The following FAF1 variants were observed in gnomAD, a reference collection of about 807,000 sequenced individuals.
FAF1 encodes the protein Fas associated factor 1, also known as FAS-associated factor 1.
A neutral mutation model predicts 92.5 loss-of-function variants in FAF1; 25 were observed. The observed-to-expected ratio is 0.27, with a 90% CI of 0.20 to 0.38. FAF1 has a LOEUF of 0.38. FAF1 is among the 10% of genes least tolerant of loss of function. The pLI, the probability that FAF1 is intolerant of heterozygous loss-of-function variation, is 1.00. For missense variants in FAF1, 636 were observed against 793.3 expected (o/e 0.80, Z 2.38); for synonymous variants, 234 against 273.2 (o/e 0.86, Z 1.42).
chr1:50,681,810 T>C (rs1282817943), intron 7 of FAF1, among the ~76,000 whole-genome samples: 1 of 151,010 alleles, frequency 6.6e-6, no homozygotes, highest in South Asian at 2.1e-4. Context: ...TGAGCCACTG[T>C]TCCCGGCCTC....
intron 7 of FAF1, among the ~76,000 whole-genome samples, chr1:50,701,905 T>C (rs1657489511): frequency 6.6e-6 from 1 of 152,126 alleles, no homozygotes; most frequent in African/African-American, 2.4e-5. Context: ...GTGAGATTTC[T>C]GAGGTAAAGT....
At chr1:50,520,782 C>A (rs1647459474) in intron 15 of FAF1, among the ~76,000 whole-genome samples, 1 of 152,140 alleles carries the variant, frequency 6.6e-6, no homozygotes, top group Non-Finnish European at 1.5e-5. Context: ...GAGGTCGAGG[C>A]TGCAGTGAGC....
intron 1 of FAF1, among the ~76,000 whole-genome samples, chr1:50,860,677 T>G (rs983510734): frequency 6.6e-6 from 1 of 151,950 alleles, no homozygotes; most frequent in East Asian, 1.9e-4. Context: ...GTTCAGCTAC[T>G]ACAAAAGCAG....
chr1:50,626,268 A>T lies in FAF1; in HGVS notation c.744+29174T>A, dbSNP rs549342711. ...AGGTTTATTCATTCAAACAATCTTT[A>T]TTGAGCACCTACTATCCAAAGGGAT... is the stretch of plus-strand genomic sequence containing the variant. On this transcript the variant is annotated intron_variant, in intron 8 of 18. Transcript: ENST00000396153. Among the ~76,000 whole-genome samples the T allele has an allele frequency of 5.3e-5, 8 of 152,330 alleles. No homozygotes were observed. In the South Asian group the frequency reaches 1.7e-3, roughly 32 times the overall value.
At chr1:50,865,244 T>C (rs1247829717) in intron 1 of FAF1, among the ~76,000 whole-genome samples, 4 of 152,200 alleles carry the variant, frequency 2.6e-5, no homozygotes, top group East Asian at 1.9e-4. Flanking sequence ...TTGGTGGGAC[T>C]GTAAACTAGT....
intron 6 of FAF1, among the ~76,000 whole-genome samples, chr1:50,720,794 C>G (rs1457722677): frequency 6.6e-6 from 1 of 152,174 alleles, no homozygotes; most frequent in African/African-American, 2.4e-5. Context: ...GAGAGCTACT[C>G]TGAGACCATT....
At chr1:50,802,613 A>G (rs995397519) in intron 2 of FAF1, among the ~76,000 whole-genome samples, 1 of 152,218 alleles carries the variant, frequency 6.6e-6, no homozygotes, top group Non-Finnish European at 1.5e-5. Context: ...TTTGAAGGCT[A>G]TTAAGCAAGC....
rs571613635 is a variant in FAF1, at chr1:50,504,553, T to C, written c.1495-12752A>G. On this transcript the variant is annotated intron_variant, in intron 15 of 18. Coordinates refer to ENST00000396153, the MANE Select transcript of FAF1 (RefSeq NM_007051.3). Reference sequence around the variant, plus strand: ...ATCTACTAGGAAGTCTAGAAGAGAATACAGTGGATGAACCATACCTAAAGA... The same window carrying C: ...ATCTACTAGGAAGTCTAGAAGAGAACACAGTGGATGAACCATACCTAAAGA... Among the ~76,000 whole-genome samples the C allele has an allele frequency of 7.2e-5, 11 of 152,124 alleles. No individual in the cohort carries two copies. In the South Asian group the frequency reaches 2.3e-3, roughly 32 times the overall value.
At chr1:50,827,605 A>G (rs1644113581) in intron 2 of FAF1, among the ~76,000 whole-genome samples, 1 of 152,114 alleles carries the variant, frequency 6.6e-6, no homozygotes, top group African/African-American at 2.4e-5. Context: ...CCTCTCCGAG[A>G]AACACCCAAG....
chr1:50,802,887 T>C (rs935292781), intron 2 of FAF1, among the ~76,000 whole-genome samples: 16 of 152,258 alleles, frequency 1.1e-4, no homozygotes, highest in African/African-American at 3.9e-4. Flanking sequence ...TTTTGTGAAA[T>C]ACTAACTTAA....
intron 18 of FAF1, among the ~76,000 whole-genome samples, chr1:50,456,182 T>A (rs2148984049): frequency 6.6e-6 from 1 of 152,148 alleles, no homozygotes; most frequent in South Asian, 2.1e-4. Flanking sequence ...AGCTTGGAAA[T>A]CCTGGGCTCA....
At chr1:50,481,752 A>G (rs1646706695) in intron 17 of FAF1, among the ~76,000 whole-genome samples, 1 of 152,148 alleles carries the variant, frequency 6.6e-6, no homozygotes, top group South Asian at 2.1e-4. Context: ...CAGTAAGCAA[A>G]GGTCTAAAGG....
At chr1:50,547,426 T>TC (rs1649080284) in intron 13 of FAF1, among the ~76,000 whole-genome samples, 1 of 152,092 alleles carries the variant, frequency 6.6e-6, no homozygotes, top group African/African-American at 2.4e-5. Flanking sequence ...AATTTTTTTT[T>TC]TTTTGAGATG....
chr1:50,551,703 TATA>T lies in FAF1; in HGVS notation c.1269-11978_1269-11976del, dbSNP rs200156810. On this transcript the variant is annotated intron_variant, in intron 13 of 18. Coordinates refer to ENST00000396153, the MANE Select transcript of FAF1 (RefSeq NM_007051.3). ...TGACTATCTGGATTTCAGTAAGGCA[TATA>T]ATAAGGTGTTCCAAAAGATCCTTTA... Among the ~76,000 whole-genome samples, 613 of 152,278 alleles carry T rather than the reference TATA, an allele frequency of 4.0e-3. 4 individuals are homozygous for T. Among genetic ancestry groups the T allele is most frequent in the Middle Eastern group, 0.031 (9 of 292 alleles).
Position 50,919,145 on chromosome 1 carries a change from T to C in FAF1, c.45+40622A>G, listed in dbSNP as rs148101314. 8.8e-3 allele frequency among the ~76,000 whole-genome samples: 1,339 copies of C among 152,208 alleles called. 10 individuals are homozygous for C. Among genetic ancestry groups the C allele is most frequent in the Non-Finnish European group, 0.013 (876 of 68,016 alleles). ...TGTTTTTAAATACCCAACAGATAGG[T>C]TTACCACTAATTCTAACTCCTAAAT... is the stretch of plus-strand genomic sequence containing the variant. On this transcript the variant is annotated intron_variant, in intron 1 of 18. Coordinates refer to ENST00000396153, the MANE Select transcript of FAF1 (RefSeq NM_007051.3).
chr1:50,693,126 A>C (rs1241074639), intron 7 of FAF1, among the ~76,000 whole-genome samples: 1 of 152,210 alleles, frequency 6.6e-6, no homozygotes, highest in Non-Finnish European at 1.5e-5. Context: ...CTAACTGAGA[A>C]ACCATTACCT....
chr1:50,501,390 C>T (rs558172269), intron 15 of FAF1, among the ~76,000 whole-genome samples: 18 of 152,268 alleles, frequency 1.2e-4, no homozygotes, highest in East Asian at 3.9e-4. Flanking sequence ...CCAGGCCAGG[C>T]GCAGTGGCTC....
At chr1:50,901,622 T>C (rs921452768) in intron 1 of FAF1, among the ~76,000 whole-genome samples, 2 of 152,046 alleles carry the variant, frequency 1.3e-5, no homozygotes, top group African/African-American at 2.4e-5. Context: ...TCTCAGCACT[T>C]TGGGAAGCCA....
At chr1:50,659,600 TG>T (rs1655283108) in intron 7 of FAF1, among the ~76,000 whole-genome samples, 1 of 152,198 alleles carries the variant, frequency 6.6e-6, no homozygotes, top group South Asian at 2.1e-4. Flanking sequence ...ATTTTTTTTT[TG>T]ATCAGCATTG....
Sources: gnomAD v4.1 joint callset for allele counts (sites outside exome capture counted in the v4.1 genomes callset) on GRCh38, gnomAD v4.1.1 for gene constraint, MANE v1.5 for transcripts, NCBI Gene and HGNC (gene_info 2026-07-23, HGNC 2026-07-21) for gene names.